The following OGDHL variants were observed in gnomAD, a reference collection of about 807,000 sequenced individuals.
OGDHL encodes the protein oxoglutarate dehydrogenase L.
In OGDHL, 79 loss-of-function variants were observed where a neutral mutation model predicts 109.6. That is an observed-to-expected ratio of 0.72 (90% CI 0.60 to 0.87). The LOEUF is 0.87. Among genes scored for constraint, OGDHL ranks in the 40% least tolerant of loss-of-function variants. The pLI, the probability that OGDHL is intolerant of heterozygous loss-of-function variation, is 0.00. For synonymous variants in OGDHL, 528 were observed against 537.2 expected (o/e 0.98, Z 0.24); for missense variants, 1,275 against 1,362.2 (o/e 0.94, Z 1.01).
chr10:49,754,056 C>T (rs1168163149), intron 3 of OGDHL, among the ~76,000 whole-genome samples: 1 of 152,142 alleles, frequency 6.6e-6, no homozygotes. Context: ...AACCCCAAAT[C>T]CCACATTTGT....
In OGDHL at chr10:49,738,321, C is replaced by T. The variant is rs531459212; in HGVS notation, c.2320-59G>A. ...CCCACCATGGGAAAGACATCTGGCCCTGCAGGGACCCCAGGCTCAGGGGAA... is the reference window on the plus strand; with the variant it reads ...CCCACCATGGGAAAGACATCTGGCCTTGCAGGGACCCCAGGCTCAGGGGAA... On this transcript the variant is annotated intron_variant, in intron 17 of 22. Transcript: ENST00000374103. 1.8e-4 allele frequency: 288 copies of T among 1,582,236 alleles called. 3 individuals are homozygous for T. In the East Asian group the frequency reaches 6.4e-3, roughly 35 times the overall value.
chr10:49,740,515 C>T (rs995520403), intron 16 of OGDHL, among the ~76,000 whole-genome samples, 195 bp downstream of exon 16: 4 of 152,054 alleles, frequency 2.6e-5, no homozygotes, highest in African/African-American at 9.7e-5. Context: ...CCCCAAGGGG[C>T]CCAGATGGGA....
rs1399307724 is a variant in OGDHL at position 49,735,298 on chromosome 10, T to C, written c.2963A>G (p.His988Arg). Residue 988 changes from histidine (H) to arginine (R), a missense_variant, in exon 23 of 23, where the codon CAC becomes CGC. Transcript: ENST00000374103. The part of the protein sequence containing the change: ...AAPATGNRNT[H>R]LVSLKKFLDT... ...CAGAAACTTCTTCAGTGACACCAGG[T>C]GAGTGTTCCTGTTTCCTGTGGCTGG... 6.2e-7 allele frequency: 1 copy of C among 1,613,934 alleles called. No individual in the cohort carries two copies. Among genetic ancestry groups the C allele is most frequent in the South Asian group, 1.1e-5 (1 of 91,076 alleles).
In OGDHL at chr10:49,744,053, A is replaced by G. The variant is rs1337454915; in HGVS notation, c.1802T>C (p.Leu601Pro). 14 of 1,614,018 alleles carry G rather than the reference A, an allele frequency of 8.7e-6. No individual in the cohort carries two copies. The highest frequency in any genetic ancestry group is 1.2e-5 in the Non-Finnish European group (14 of 1,179,986). ...CPATGIPEDM[L>P]THIGSVASSV... ...GCTGGCCACACTGCCGATGTGGGTG[A>G]GCATGTCCTCAGGGATCCCCGTGGC... Residue 601 changes from leucine (L) to proline (P), a missense_variant, in exon 14 of 23, where the codon CTC becomes CCC. Coordinates refer to ENST00000374103, the MANE Select transcript of OGDHL (RefSeq NM_018245.3).
intron 13 of OGDHL, 116 bp downstream of exon 13, chr10:49,744,534 C>T (rs1842035241): frequency 1.3e-6 from 1 of 787,192 alleles, no homozygotes; most frequent in East Asian, 2.5e-5. Context: ...GTGATAGAGC[C>T]TGCAGCCTCT....
chr10:49,748,899 G>A (rs12258340), intron 8 of OGDHL, among the ~76,000 whole-genome samples: 3,329 of 152,228 alleles, frequency 0.022, 110 homozygotes, highest in African/African-American at 0.072. Context: ...GGGAAGATGG[G>A]CAGGACTTTG....
In OGDHL at chr10:49,742,873, A is replaced by G. The variant is rs780153055; in HGVS notation, c.1967T>C (p.Ile656Thr). 12 of 1,613,852 alleles carry G rather than the reference A, an allele frequency of 7.4e-6. No individual in the cohort carries two copies. The highest frequency in any genetic ancestry group is 1.0e-5 in the Non-Finnish European group (12 of 1,179,960). The change falls in exon 15 of 23, where the codon ATC becomes ACC. Residue 656 changes from isoleucine (I) to threonine (T), a missense_variant. Physicochemically the swap from Ile to Thr is moderately conservative, Grantham distance 89 (BLOSUM62 -1). Coordinates refer to ENST00000374103, the MANE Select transcript of OGDHL (RefSeq NM_018245.3). ...ATCCTGCCCGCTGAGCCGCACGTGG[A>G]TGCCTTCCTTCAGCAGGGAGCCAAA... ...MAFGSLLKEG[I>T]HVRLSGQDVE...
chr10:49,747,578 C>A (rs920022827), intron 8 of OGDHL, among the ~76,000 whole-genome samples: 4 of 152,220 alleles, frequency 2.6e-5, no homozygotes, highest in Admixed American at 1.3e-4. Flanking sequence ...TCCCCTGACT[C>A]CTCACACCAA....
rs1426308946 is a variant in OGDHL at position 49,738,226 on chromosome 10, G to A, written c.2356C>T (p.Leu786=). 1.2e-6 allele frequency: 2 copies of A among 1,613,744 alleles called. No individual in the cohort carries two copies. The highest frequency in any genetic ancestry group is 2.2e-5 in the South Asian group (2 of 91,042). The change falls in exon 18 of 23, where the codon CTG becomes TTG. Residue 786 remains leucine (L), a synonymous_variant. Coordinates refer to ENST00000374103, the MANE Select transcript of OGDHL (RefSeq NM_018245.3). ...TCCGAGTCATCATTGCTCATCTGCA[G>A]GAACCTTTCGGGCCTCGCTGACGAG... The part of the protein sequence containing the change: ...EHSSARPERF[L]QMSNDDSDAY...
chr10:49,757,511 G>A (rs967491941), intron 2 of OGDHL, among the ~76,000 whole-genome samples: 1 of 152,294 alleles, frequency 6.6e-6, no homozygotes, highest in South Asian at 2.1e-4. Flanking sequence ...TCCACTTTGG[G>A]GAATTTACCC....
rs1841033818 is a variant in OGDHL at position 49,734,963 on chromosome 10, C to T, written c.*265G>A. On this transcript the variant is annotated 3_prime_UTR_variant, in exon 23 of 23. Coordinates refer to ENST00000374103, the MANE Select transcript of OGDHL (RefSeq NM_018245.3). Reference sequence around the variant, plus strand: ...TTGAGATACAGGTGGAGAAGCCGCCCAAGAAATTCCAGCAAGATGGGAGCA... The same window carrying T: ...TTGAGATACAGGTGGAGAAGCCGCCTAAGAAATTCCAGCAAGATGGGAGCA... The T allele has an allele frequency of 6.7e-6, 2 of 300,608 alleles. No homozygotes were observed. Among genetic ancestry groups the T allele is most frequent in the Non-Finnish European group, 1.2e-5 (2 of 164,162 alleles). 18.6% of individuals were successfully genotyped at this position (300,608 alleles called of 1,614,324 possible).
In OGDHL at chr10:49,758,484, G is replaced by C. The variant is rs1487359219; in HGVS notation, c.109C>G (p.Pro37Ala). The C allele has an allele frequency of 1.2e-6, 2 of 1,613,926 alleles. No homozygotes were observed. The highest frequency in any genetic ancestry group is 1.7e-5 in the Admixed American group (1 of 60,022). ...FGWRSRSSGP[P>A]ATFPSSKGGG... ...CCTTTGCTGCTTGGGAAGGTGGCCG[G>C]TGGCCCGGAGGACCTGCTGCGCCAG... The change falls in exon 2 of 23, where the codon CCG (proline) becomes GCG (alanine). Residue 37 changes from proline to alanine, a missense_variant. Transcript: ENST00000374103.
chr10:49,737,640 A>T, intron 20 of OGDHL, 146 bp downstream of exon 20: 1 of 822,522 alleles, frequency 1.2e-6, no homozygotes, highest in Non-Finnish European at 2.0e-6. Context: ...TCCCAACCCT[A>T]CTGCTAGTGG....
In OGDHL at chr10:49,752,672, C is replaced by A. The variant is rs145063180; in HGVS notation, c.444G>T (p.Val148=). 0.015 allele frequency: 23,460 copies of A among 1,614,146 alleles called. 230 individuals carry two copies. The highest frequency in any genetic ancestry group is 0.017 in the Non-Finnish European group (19,701 of 1,179,976). Residue 148 remains valine, a synonymous_variant, in exon 4 of 23, where the codon GTG becomes GTT. Transcript: ENST00000374103. ...CAATGGTTGTGATCAAGTCTGAGGG[C>A]ACAAAGGAGTCCAGGTCTGCATCCA... ...GILDADLDSF[V]PSDLITTIDK... is the part of the protein sequence containing the mutation.
intron 7 of OGDHL, 72 bp downstream of exon 7, chr10:49,750,767 A>G: frequency 6.7e-7 from 1 of 1,493,138 alleles, no homozygotes; most frequent in East Asian, 2.4e-5. Flanking sequence ...TCTGATTTCC[A>G]TCTCATCTCT....
At chr10:49,739,379 T>A (rs1841464472) in intron 17 of OGDHL, 2 of 366,578 alleles carry the variant, frequency 5.5e-6, no homozygotes, top group Admixed American at 4.4e-5. Context: ...GCCTACTTCA[T>A]TAAGTTGTAT....
Position 49,739,460 on chromosome 10 carries a change from C to T in OGDHL, c.2319+201G>A, listed in dbSNP as rs140843137. The T allele has an allele frequency of 1.4e-4, 79 of 575,688 alleles. No homozygotes were observed. The Middle Eastern group carries it at 1.8e-3, about 13-fold the overall frequency. 35.7% of individuals were successfully genotyped at this position (575,688 alleles called of 1,614,324 possible). On this transcript the variant is annotated intron_variant, in intron 17 of 22. Transcript: ENST00000374103. Reference sequence around the variant, plus strand: ...CACAGCAAGCACTCATACGTGGTAGCGCCTTCTGCTGCCAGGGGTAGCATC... The same window carrying T: ...CACAGCAAGCACTCATACGTGGTAGTGCCTTCTGCTGCCAGGGGTAGCATC...
In OGDHL at chr10:49,739,641, G is replaced by A; in HGVS notation, c.2319+20C>T. On this transcript the variant is annotated intron_variant, in intron 17 of 22. Transcript: ENST00000374103. Reference sequence around the variant, plus strand: ...CCCGCCAGAACCCACCAAGCCACCAGCCACCACCGCAGCCCTCACCATGCC... The same window carrying A: ...CCCGCCAGAACCCACCAAGCCACCAACCACCACCGCAGCCCTCACCATGCC... The A allele has an allele frequency of 6.2e-7, 1 of 1,607,954 alleles. No homozygotes were observed. Among genetic ancestry groups the A allele is most frequent in the South Asian group, 1.1e-5 (1 of 90,002 alleles).
intron 1 of OGDHL, 75 bp from the exon 2 acceptor site, chr10:49,758,668 G>A (rs750179327): frequency 2.8e-5 from 40 of 1,436,930 alleles, no homozygotes; most frequent in Middle Eastern, 1.7e-4. Context: ...GCCACTGTCC[G>A]CTCATCAGCA....
Sources: gnomAD v4.1 joint callset for allele counts (sites outside exome capture counted in the v4.1 genomes callset) on GRCh38, gnomAD v4.1.1 for gene constraint, MANE v1.5 for transcripts, NCBI Gene and HGNC (gene_info 2026-07-23, HGNC 2026-07-21) for gene names.